Variants in MFSD12 observed in about 807,000 individuals in gnomAD.
MFSD12 encodes the protein major facilitator superfamily domain-containing protein 12.
Under a neutral mutation model 51.2 loss-of-function variants are expected in MFSD12, and 67 were observed. The ratio of observed to expected loss-of-function variants is 1.31; its 90% CI spans 1.08 to 1.60. The LOEUF (loss-of-function observed/expected upper bound fraction) is 1.60, where lower values mean the gene tolerates loss of function less well. Ranked by LOEUF, MFSD12 falls within the 40% of genes most tolerant of loss-of-function variation. MFSD12 has a pLI of 0.00. For missense variants in MFSD12, 921 were observed against 673.0 expected (o/e 1.37, Z -4.08); for synonymous variants, 441 against 316.7 (o/e 1.39, Z -4.17).
chr19:3,550,528 A>G (rs1246966043), intron 2 of MFSD12, among the ~76,000 whole-genome samples: 1 of 151,356 alleles, frequency 6.6e-6, no homozygotes, highest in African/African-American at 2.4e-5. Flanking sequence ...AGTAGCTGGG[A>G]CTACAGGCGC....
chr19:3,546,287 C>A lies in MFSD12; in HGVS notation c.1162G>T (p.Ala388Ser). The change falls in exon 7 of 10, where the codon GCC (alanine) becomes TCC (serine). Residue 388 changes from alanine to serine, a missense_variant. Coordinates refer to ENST00000355415, the MANE Select transcript of MFSD12 (RefSeq NM_174983.5). ...GGACCGATGAGGTCGGCCGTCATGG[C>A]CAGCGAGGTGACGAGGATGGTGGCA... ...GCATILVTSL[A>S]MTADLIGPHT... 1 of 1,610,366 alleles carries A rather than the reference C, an allele frequency of 6.2e-7. No individual in the cohort carries two copies. The highest frequency in any genetic ancestry group is 8.5e-7 in the Non-Finnish European group (1 of 1,179,062).
downstream of MFSD12, chr19:3,542,452 A>G (rs867185822): frequency 1.0e-6 from 1 of 985,206 alleles, no homozygotes; most frequent in African/African-American, 1.7e-5. Context: ...AGCAAGGTCA[A>G]AGCATAAAAC....
intron 8 of MFSD12, 64 bp from the exon 9 acceptor site, chr19:3,545,003 A>C (rs1008664124): frequency 2.6e-6 from 4 of 1,525,568 alleles, no homozygotes; most frequent in Admixed American, 1.9e-5. Flanking sequence ...CCCAAGCTGA[A>C]CCTGTGCCTC....
At chr19:3,546,505 CA>C (rs1292142091) in intron 6 of MFSD12, 80 bp from the exon 7 acceptor site, 2 of 1,473,090 alleles carry the variant, frequency 1.4e-6, no homozygotes, top group Non-Finnish European at 1.8e-6. Context: ...CCCCTACCCC[CA>C]ACCCCAGCAA....
At position 3,547,954 on chromosome 19, in the gene MFSD12, C is replaced by T. The variant is rs763841575; in HGVS notation, c.731G>A (p.Arg244Gln). The T allele has an allele frequency of 5.2e-5, 83 of 1,595,452 alleles. No individual in the cohort carries two copies. The highest frequency in any genetic ancestry group is 2.1e-4 in the Admixed American group (12 of 56,554). Reference protein sequence around the residue: ...LFHLGTRERRRPHAEEPGEHT... With the variant: ...LFHLGTRERRQPHAEEPGEHT... ...CTCGCCTGGCTCCTCCGCATGCGGC[C>T]GGCGCCTCTCCCGGGTGCCCAGGTG... The change falls in exon 4 of 10, where the codon CGG (arginine) becomes CAG (glutamine). Residue 244 changes from arginine to glutamine, a missense_variant. Transcript: ENST00000355415.
At chr19:3,544,774 A>T in intron 9 of MFSD12, 35 bp downstream of exon 9, 4 of 619,132 alleles carry the variant, frequency 6.5e-6, no homozygotes, top group Non-Finnish European at 1.1e-5. Context: ...AGTGTGGGTC[A>T]GTGTCTGGGG....
chr19:3,541,248 A>T (rs1023103978), downstream of MFSD12, among the ~76,000 whole-genome samples: 2 of 150,364 alleles, frequency 1.3e-5, no homozygotes, highest in African/African-American at 4.9e-5. Flanking sequence ...AGGTAGGAGG[A>T]TCGCTTGAGC....
chr19:3,554,584 T>G (rs1483666767), intron 1 of MFSD12, among the ~76,000 whole-genome samples: 1 of 152,210 alleles, frequency 6.6e-6, no homozygotes, highest in Non-Finnish European at 1.5e-5. Flanking sequence ...TGAGGACTGT[T>G]CCTACCTTTT....
Position 3,544,656 on chromosome 19 carries a change from C to T in MFSD12, c.*54G>A, listed in dbSNP as rs2030791580. ...GGCTTTTCCCCAAGGCCCTGGGGGG[C>T]ATCCTCGTGCGTCCCCACAGTTCCC... On this transcript the variant is annotated 3_prime_UTR_variant, in exon 10 of 10. Transcript: ENST00000355415. The T allele has an allele frequency of 1.9e-6, 3 of 1,548,328 alleles. No homozygotes were observed. The Admixed American group carries it at 5.4e-5, about 28-fold the overall frequency.
At chr19:3,543,317 C>T (rs780611465), downstream of MFSD12, 104 of 1,549,316 alleles carry the variant, frequency 6.7e-5, no homozygotes, top group Admixed American at 4.1e-4. Flanking sequence ...GCCCATGGGA[C>T]GGGACGCAGC....
intron 8 of MFSD12, among the ~76,000 whole-genome samples, chr19:3,545,514 A>C (rs1471392516): frequency 1.3e-5 from 2 of 152,198 alleles, no homozygotes; most frequent in African/African-American, 4.8e-5. Context: ...TTGGCCTGGA[A>C]TGCTCTGACA....
intron 8 of MFSD12, among the ~76,000 whole-genome samples, chr19:3,545,664 T>A (rs1347578205): frequency 6.6e-6 from 1 of 152,238 alleles, no homozygotes; most frequent in Non-Finnish European, 1.5e-5. Flanking sequence ...TCTGTGACTA[T>A]TAACACGGCT....
Position 3,550,967 on chromosome 19 carries a change from G to T in MFSD12, c.509+17C>A. ...GGGGCCCACCCTGCCCGTGGGGGAGGGTGCCCAGGCTCCCACCTGAGTGCC... is the reference window on the plus strand; with the variant it reads ...GGGGCCCACCCTGCCCGTGGGGGAGTGTGCCCAGGCTCCCACCTGAGTGCC... On this transcript the variant is annotated intron_variant, in intron 2 of 9. Transcript: ENST00000355415. 6.2e-7 allele frequency: 1 copy of T among 1,607,168 alleles called. No individual in the cohort carries two copies. The highest frequency in any genetic ancestry group is 1.1e-5 in the South Asian group (1 of 90,406).
chr19:3,546,156 A>C lies in MFSD12; in HGVS notation c.1207T>G (p.Phe403Val). 1 of 1,613,122 alleles carries C rather than the reference A, an allele frequency of 6.2e-7. No homozygotes were observed. Among genetic ancestry groups the C allele is most frequent in the South Asian group, 1.1e-5 (1 of 91,078 alleles). The change falls in exon 8 of 10, where the codon TTC becomes GTC. Residue 403 changes from phenylalanine to valine, a missense_variant. Phe to Val is a conservative substitution (Grantham distance 50, BLOSUM62 -1). Coordinates refer to ENST00000355415, the MANE Select transcript of MFSD12 (RefSeq NM_174983.5). ...AAGAAGCTCATGGAGCCGTACACGA[A>C]CGCTCCGCTGTTCTGTGGAGACACA... is the stretch of plus-strand genomic sequence containing the variant. ...LIGPHTNSGA[F>V]VYGSMSFLDK...
At chr19:3,543,480 G>GC (rs34196068), downstream of MFSD12, 165,865 of 1,303,358 alleles carry the variant, frequency 0.13, 1,681 homozygotes, top group South Asian at 0.19. Context: ...TCGGGTGAGT[G>GC]CCCCCCCCCC....
At chr19:3,550,234 C>A (rs139617734) in intron 2 of MFSD12, among the ~76,000 whole-genome samples, 348 of 152,184 alleles carry the variant, frequency 2.3e-3, no homozygotes, top group Middle Eastern at 3.4e-3. Flanking sequence ...GGACTCCTGA[C>A]CCCCAGAAAC....
At chr19:3,543,653 GAC>G, downstream of MFSD12, 5 of 1,543,212 alleles carry the variant, frequency 3.2e-6, no homozygotes, top group Non-Finnish European at 4.4e-6. Context: ...GCTGTGGAAA[GAC>G]AGGCCAATCC....
rs2031235914 is a variant in MFSD12 at position 3,548,182 on chromosome 19, G to C, written c.595C>G (p.Pro199Ala). The C allele has an allele frequency of 1.9e-6, 3 of 1,586,496 alleles. No homozygotes were observed. The highest frequency in any genetic ancestry group is 2.7e-5 in the African/African-American group (2 of 74,232). Residue 199 changes from proline to alanine, a missense_variant, in exon 3 of 10, where the codon CCC (proline) becomes GCC (alanine). Pro to Ala is a conservative substitution (Grantham distance 27, BLOSUM62 -1). Coordinates refer to ENST00000355415, the MANE Select transcript of MFSD12 (RefSeq NM_174983.5). ...TCGCTGATGCTGATGTCTTGGGTGG[G>C]CTCCACCCGCGACGAGCCCTGCAGG... is the stretch of plus-strand genomic sequence containing the variant. ...LHLQGSSRVE[P>A]TQDISISDQL...
downstream of MFSD12, chr19:3,540,044 G>C (rs1171741783): frequency 6.6e-6 from 1 of 151,730 alleles, no homozygotes; most frequent in Non-Finnish European, 1.5e-5. Context: ...TTGAGCCCAG[G>C]AGTTCAAGAC....
Sources: gnomAD v4.1 joint callset for allele counts (sites outside exome capture counted in the v4.1 genomes callset) on GRCh38, gnomAD v4.1.1 for gene constraint, MANE v1.5 for transcripts, NCBI Gene and HGNC (gene_info 2026-07-23, HGNC 2026-07-21) for gene names.